Variants in DOCK5 observed in about 807,000 individuals in gnomAD.
DOCK5 encodes dedicator of cytokinesis 5.
DOCK5 carries 142 observed loss-of-function variants against 251.8 expected under a neutral mutation model. The ratio of observed to expected loss-of-function variants is 0.56; its 90% CI spans 0.49 to 0.65. The LOEUF is 0.65. Among genes scored for constraint, DOCK5 ranks in the 30% least tolerant of loss-of-function variants. The pLI is 0.00. For missense variants in DOCK5, 2,111 were observed against 2,312.3 expected, an observed-to-expected ratio of 0.91 and a Z score of 1.79; for synonymous variants, 842 against 835.5, an observed-to-expected ratio of 1.01 and a Z score of -0.13.
intron 25 of DOCK5, 81 bp downstream of exon 25, chr8:25,342,588 C>T: frequency 6.4e-5 from 65 of 1,013,984 alleles, no homozygotes; most frequent in South Asian, 1.8e-4. Flanking sequence ...GGTGACAGAA[C>T]AAGACTCCAT....
chr8:25,233,058 T>A (rs1234655904), intron 1 of DOCK5, among the ~76,000 whole-genome samples: 1 of 152,136 alleles, frequency 6.6e-6, no homozygotes, highest in Non-Finnish European at 1.5e-5. Flanking sequence ...CTCTTCTCTC[T>A]GGTTCTCTGC....
intron 1 of DOCK5, among the ~76,000 whole-genome samples, chr8:25,237,240 A>G (rs1311924220): frequency 6.6e-6 from 1 of 152,024 alleles, no homozygotes; most frequent in Non-Finnish European, 1.5e-5. Context: ...GTGGTGGCAC[A>G]TGCCTGTCGT....
intron 18 of DOCK5, among the ~76,000 whole-genome samples, chr8:25,326,245 C>A (rs1805559438): frequency 6.6e-6 from 1 of 152,136 alleles, no homozygotes; most frequent in Non-Finnish European, 1.5e-5. Flanking sequence ...AATTCTGTCT[C>A]CCATATGCCG....
intron 5 of DOCK5, among the ~76,000 whole-genome samples, chr8:25,283,058 A>C (rs886277846): frequency 2.6e-5 from 4 of 152,110 alleles, no homozygotes; most frequent in Non-Finnish European, 5.9e-5. Context: ...TATTCTAGAA[A>C]AGAAAAATAT....
At chr8:25,242,925 G>T (rs936872044) in intron 1 of DOCK5, among the ~76,000 whole-genome samples, 1 of 152,192 alleles carries the variant, frequency 6.6e-6, no homozygotes, top group East Asian at 1.9e-4. Flanking sequence ...GACATGGCTC[G>T]CCTGTGTACT....
At chr8:25,217,219 C>CATACAATATGTATATATGT (rs961826455) in intron 1 of DOCK5, among the ~76,000 whole-genome samples, 5 of 149,624 alleles carry the variant, frequency 3.3e-5, no homozygotes, top group Non-Finnish European at 7.4e-5. Flanking sequence ...CACATGTATA[C>CATACAATATGTATATATGT]ATACAATATG....
At chr8:25,321,243 C>T (rs1006627934) in intron 16 of DOCK5, among the ~76,000 whole-genome samples, 191 bp downstream of exon 16, 5 of 152,204 alleles carry the variant, frequency 3.3e-5, no homozygotes, top group Admixed American at 1.3e-4. Flanking sequence ...TGTTGTCACT[C>T]TATATTAGGA....
intron 5 of DOCK5, among the ~76,000 whole-genome samples, chr8:25,290,632 C>T (rs1276550915): frequency 5.6e-5 from 2 of 36,036 alleles, no homozygotes; most frequent in Admixed American, 4.1e-4. Flanking sequence ...TATTTCTTAT[C>T]TCTGAAATTA....
At chr8:25,409,547 C>T (rs75416062) in intron 50 of DOCK5, 3,300 of 155,536 alleles carry the variant, frequency 0.021, 56 homozygotes, top group South Asian at 0.069. Context: ...AATACTAAAA[C>T]CCTGAACAAA....
At chr8:25,341,181 A>G (rs1461363442) in intron 23 of DOCK5, among the ~76,000 whole-genome samples, 193 bp downstream of exon 23, 1 of 152,200 alleles carries the variant, frequency 6.6e-6, no homozygotes, top group Non-Finnish European at 1.5e-5. Flanking sequence ...TGTATTTTCA[A>G]GTGTCAACTT....
intron 4 of DOCK5, among the ~76,000 whole-genome samples, chr8:25,276,682 TA>T (rs1167565490): frequency 1.3e-5 from 2 of 152,158 alleles, no homozygotes; most frequent in African/African-American, 4.8e-5. Context: ...TTTTTTTAAT[TA>T]TGATGGGCAA....
At chr8:25,365,336 G>A (rs925198159) in intron 30 of DOCK5, among the ~76,000 whole-genome samples, 1 of 152,234 alleles carries the variant, frequency 6.6e-6, no homozygotes, top group African/African-American at 2.4e-5. Flanking sequence ...TGTGGGTGAT[G>A]TGCTTTCTGT....
intron 26 of DOCK5, 148 bp downstream of exon 26, chr8:25,345,759 G>T: frequency 2.5e-6 from 3 of 1,178,344 alleles, no homozygotes; most frequent in South Asian, 1.5e-5. Flanking sequence ...AATTAGGGAG[G>T]CCAGAGCCTC....
In DOCK5 at chr8:25,414,886, T is replaced by C. The variant is rs986321091; in HGVS notation, c.*3588T>C. 7.4e-6 allele frequency: 1 copy of C among 135,876 alleles called. No homozygotes were observed. The highest frequency in any genetic ancestry group is 1.6e-5 in the Non-Finnish European group (1 of 63,738). 8.4% of individuals were successfully genotyped at this position (135,876 alleles called of 1,614,324 possible). ...ACTGTGCACCTTTTAACAAGTCAAT[T>C]TGTAGTCAGTCCCTGGGCCTGTCTT... On this transcript the variant is annotated 3_prime_UTR_variant, in exon 52 of 52. Transcript: ENST00000276440.
chr8:25,362,600 G>A (rs1800706820), intron 28 of DOCK5, among the ~76,000 whole-genome samples: 1 of 151,278 alleles, frequency 6.6e-6, no homozygotes, highest in Non-Finnish European at 1.5e-5. Flanking sequence ...CCGAGTAGCT[G>A]GGACTACAGG....
intron 1 of DOCK5, among the ~76,000 whole-genome samples, chr8:25,222,729 C>T (rs561140582): frequency 8.5e-5 from 13 of 152,190 alleles, no homozygotes; most frequent in Non-Finnish European, 1.0e-4. Context: ...GCTGTGTGTC[C>T]TCATCTTCCG....
At chr8:25,389,365 C>T in intron 41 of DOCK5, 133 bp downstream of exon 41, 1 of 1,207,964 alleles carries the variant, frequency 8.3e-7, no homozygotes, top group Non-Finnish European at 1.1e-6. Flanking sequence ...GACACAGGTT[C>T]CCATTCCATG....
intron 47 of DOCK5, among the ~76,000 whole-genome samples, chr8:25,402,267 A>G (rs957497291): frequency 6.6e-6 from 1 of 152,110 alleles, no homozygotes; most frequent in Non-Finnish European, 1.5e-5. Flanking sequence ...AGCTGGAACT[A>G]CAGGTGTGCT....
At chr8:25,393,876 C>G (rs530137521) in intron 44 of DOCK5, among the ~76,000 whole-genome samples, 1 of 152,242 alleles carries the variant, frequency 6.6e-6, no homozygotes, top group East Asian at 1.9e-4. Context: ...TGGCACTTAG[C>G]CTAAAGTAGG....
Sources: gnomAD v4.1 joint callset for allele counts (sites outside exome capture counted in the v4.1 genomes callset) on GRCh38, gnomAD v4.1.1 for gene constraint, MANE v1.5 for transcripts, NCBI Gene and HGNC (gene_info 2026-07-23, HGNC 2026-07-21) for gene names.